PPP4R4: variants seen among roughly 807,000 people sequenced by gnomAD.
PPP4R4 encodes serine/threonine-protein phosphatase 4 regulatory subunit 4.
In PPP4R4, 70 loss-of-function variants were observed where a neutral mutation model predicts 121.8. The ratio of observed to expected loss-of-function variants is 0.57; its 90% CI spans 0.47 to 0.70. The LOEUF (loss-of-function observed/expected upper bound fraction) is 0.70, where lower values mean the gene tolerates loss of function less well. PPP4R4 is among the 30% of genes least tolerant of loss of function. The probability of loss-of-function intolerance (pLI) is 0.00; values close to 1 mark genes in which losing one functional copy is unlikely to be tolerated. For missense variants in PPP4R4, 875 were observed against 1,033.6 expected, an observed-to-expected ratio of 0.85 and a Z score of 2.10; for synonymous variants, 348 against 355.7, an observed-to-expected ratio of 0.98 and a Z score of 0.24.
At chr14:94,199,167 CTTT>C (rs1307425229) in intron 2 of PPP4R4, among the ~76,000 whole-genome samples, 7 of 152,304 alleles carry the variant, frequency 4.6e-5, no homozygotes, top group South Asian at 4.1e-4. Flanking sequence ...TTTAGTTCTT[CTTT>C]ATTTCTCTCA....
chr14:94,192,779 GT>G (rs1326885224), intron 2 of PPP4R4, among the ~76,000 whole-genome samples: 7 of 152,134 alleles, frequency 4.6e-5, no homozygotes, highest in African/African-American at 1.7e-4. Flanking sequence ...TCTTGTCTAA[GT>G]GGTTTAGGAT....
intron 23 of PPP4R4, among the ~76,000 whole-genome samples, chr14:94,274,605 G>A (rs1423059886): frequency 6.6e-6 from 1 of 152,148 alleles, no homozygotes; most frequent in Non-Finnish European, 1.5e-5. Flanking sequence ...TTGCTAGAAT[G>A]TCTAAAACTA....
At chr14:94,263,786 A>C (rs1893898026) in intron 19 of PPP4R4, among the ~76,000 whole-genome samples, 1 of 152,174 alleles carries the variant, frequency 6.6e-6, no homozygotes, top group Non-Finnish European at 1.5e-5. Flanking sequence ...GAAAATTTTC[A>C]GTTTTATGCT....
At chr14:94,264,733 T>G (rs564168517) in intron 19 of PPP4R4, 145 bp from the exon 20 acceptor site, 18 of 650,860 alleles carry the variant, frequency 2.8e-5, no homozygotes, top group Non-Finnish European at 4.6e-5. Flanking sequence ...AACCCTGAAT[T>G]CTTTAGACAC....
At chr14:94,217,129 A>G (rs1317533415) in intron 3 of PPP4R4, among the ~76,000 whole-genome samples, 1 of 152,184 alleles carries the variant, frequency 6.6e-6, no homozygotes, top group African/African-American at 2.4e-5. Context: ...CTCTACATCC[A>G]CCATTAGCCT....
intron 2 of PPP4R4, 22 bp from the exon 3 acceptor site, chr14:94,208,442 A>G (rs1232387224): frequency 6.4e-7 from 1 of 1,550,638 alleles, no homozygotes; most frequent in African/African-American, 1.4e-5. Context: ...TATAAATTTT[A>G]AATTTGTGTT....
chr14:94,213,218 C>CA (rs1348632492), intron 3 of PPP4R4, among the ~76,000 whole-genome samples: 4 of 152,174 alleles, frequency 2.6e-5, no homozygotes, highest in African/African-American at 9.7e-5. Context: ...CCTGAGTCCT[C>CA]ACTCTTTACT....
intron 23 of PPP4R4, among the ~76,000 whole-genome samples, chr14:94,267,404 T>C (rs534630419): frequency 4.6e-5 from 7 of 152,304 alleles, no homozygotes; most frequent in African/African-American, 1.7e-4. Flanking sequence ...TACAATATTA[T>C]GTATTTGGAA....
At chr14:94,201,333 G>A (rs192343930) in intron 2 of PPP4R4, among the ~76,000 whole-genome samples, 61 of 152,208 alleles carry the variant, frequency 4.0e-4, no homozygotes, top group African/African-American at 1.4e-3. Context: ...TAGATCATCT[G>A]TTAAGTTCAT....
At chr14:94,271,140 A>T (rs1894305163) in intron 23 of PPP4R4, among the ~76,000 whole-genome samples, 1 of 152,228 alleles carries the variant, frequency 6.6e-6, no homozygotes, top group Admixed American at 6.5e-5. Flanking sequence ...CTTTCACAAG[A>T]TAGAAGCAAC....
chr14:94,212,319 CAG>C (rs1241488380), intron 3 of PPP4R4, among the ~76,000 whole-genome samples: 1 of 152,090 alleles, frequency 6.6e-6, no homozygotes, highest in Non-Finnish European at 1.5e-5. Flanking sequence ...ATGTCAGAAA[CAG>C]AGTTAGTGTT....
In PPP4R4 at chr14:94,174,582, G is replaced by C; in HGVS notation, c.117G>C (p.Lys39Asn). ...AGAGGCCGGTCCGCCGGAGCCTCAA[G>C]GTGCGCCCCGGGGAGAGGACCTGCC... ...IIERPVRRSL[K>N]TPEEIERLTV... Residue 39 changes from lysine (K) to asparagine (N), a missense_variant and splice_region_variant, in exon 1 of 25, where the codon AAG becomes AAC. Transcript: ENST00000304338. 1.2e-6 allele frequency: 2 copies of C among 1,611,074 alleles called. No individual in the cohort carries two copies. The highest frequency in any genetic ancestry group is 1.7e-6 in the Non-Finnish European group (2 of 1,178,852).
At chr14:94,269,137 T>G (rs142718982) in intron 23 of PPP4R4, among the ~76,000 whole-genome samples, 15 of 152,266 alleles carry the variant, frequency 9.9e-5, no homozygotes, top group African/African-American at 3.6e-4. Context: ...TTTAACAAAT[T>G]TGTCAGATGT....
chr14:94,220,772 G>A (rs745935500), intron 3 of PPP4R4, among the ~76,000 whole-genome samples: 7 of 152,118 alleles, frequency 4.6e-5, no homozygotes, highest in East Asian at 3.8e-4. Context: ...GATCATATTC[G>A]TGGATCAGAA....
intron 11 of PPP4R4, among the ~76,000 whole-genome samples, chr14:94,243,182 T>C (rs540730181): frequency 6.6e-6 from 1 of 152,296 alleles, no homozygotes; most frequent in South Asian, 2.1e-4. Context: ...TAGATTTTTT[T>C]TTGGCTATTG....
At position 94,233,712 on chromosome 14, in the gene PPP4R4, T is replaced by C. The variant is rs1415271293; in HGVS notation, c.576T>C (p.Val192=). ...QLSQTVQSRL[V]SCKILGKLTN... ...CCCAAACAGTCCAGTCTCGTTTAGTTAGTTGTAAAATTTTAGGAAAATTGA... is the reference window on the plus strand; with the variant it reads ...CCCAAACAGTCCAGTCTCGTTTAGTCAGTTGTAAAATTTTAGGAAAATTGA... The change falls in exon 6 of 25, where the codon GTT becomes GTC. Residue 192 remains valine, a synonymous_variant. Coordinates refer to ENST00000304338, the MANE Select transcript of PPP4R4 (RefSeq NM_058237.2). 6.2e-7 allele frequency: 1 copy of C among 1,605,940 alleles called. No individual in the cohort carries two copies. Among genetic ancestry groups the C allele is most frequent in the South Asian group, 1.1e-5 (1 of 90,264 alleles).
chr14:94,235,323 G>A lies in PPP4R4; in HGVS notation c.731+654G>A, dbSNP rs144215298. Among the ~76,000 whole-genome samples, 434 of 151,192 alleles carry A rather than the reference G, an allele frequency of 2.9e-3. 2 individuals are homozygous for A. Among genetic ancestry groups the A allele is most frequent in the Non-Finnish European group, 5.2e-3 (354 of 67,886 alleles). ...GTTGAGGGCCGACTACACTCTAATG[G>A]AAGCCTTTCTATAGCTCCTGTGCAA... On this transcript the variant is annotated intron_variant, in intron 7 of 24. Coordinates refer to ENST00000304338, the MANE Select transcript of PPP4R4 (RefSeq NM_058237.2).
rs1245640619 is a variant in PPP4R4 at position 94,259,280 on chromosome 14, T to G, written c.2053-15T>G. ...ATCACTAATGTTTCACAATTTCATT[T>G]TAAACTTTAAACAGTTTCAGAAAAA... On this transcript the variant is annotated splice_polypyrimidine_tract_variant and intron_variant, in intron 18 of 24. Transcript: ENST00000304338. 1 of 1,594,242 alleles carries G rather than the reference T, an allele frequency of 6.3e-7. No individual in the cohort carries two copies. The highest frequency in any genetic ancestry group is 2.2e-5 in the East Asian group (1 of 44,494).
At chr14:94,210,333 A>G (rs1319733137) in intron 3 of PPP4R4, among the ~76,000 whole-genome samples, 1 of 151,852 alleles carries the variant, frequency 6.6e-6, no homozygotes, top group Non-Finnish European at 1.5e-5. Flanking sequence ...AAAGAATATT[A>G]TACACTCATA....
Sources: gnomAD v4.1 joint callset for allele counts (sites outside exome capture counted in the v4.1 genomes callset) on GRCh38, gnomAD v4.1.1 for gene constraint, MANE v1.5 for transcripts, NCBI Gene and HGNC (gene_info 2026-07-23, HGNC 2026-07-21) for gene names.